Variants in TAFA1 observed in about 807,000 individuals in gnomAD.
The protein encoded by TAFA1 is chemokine-like protein TAFA-1.
TAFA1 carries 4 observed loss-of-function variants against 18.5 expected under a neutral mutation model. That is an observed-to-expected ratio of 0.22 (90% CI 0.11 to 0.49). The LOEUF (loss-of-function observed/expected upper bound fraction) is 0.49, where lower values mean the gene tolerates loss of function less well. Ranked by LOEUF, TAFA1 falls within the 20% of genes least tolerant of loss-of-function variation. The probability of loss-of-function intolerance (pLI) is 0.98; values close to 1 mark genes in which losing one functional copy is unlikely to be tolerated. For missense variants in TAFA1, 147 were observed against 169.0 expected (o/e 0.87, Z 0.72); for synonymous variants, 56 against 55.2 (o/e 1.01, Z -0.06).
At chr3:68,222,986 T>C (rs1320492783) in intron 2 of TAFA1, among the ~76,000 whole-genome samples, 1 of 152,140 alleles carries the variant, frequency 6.6e-6, no homozygotes, top group South Asian at 2.1e-4. Flanking sequence ...GCCAGTATTG[T>C]TTTTTAAAAT....
intron 2 of TAFA1, among the ~76,000 whole-genome samples, chr3:68,326,207 G>C (rs752881197): frequency 1.6e-4 from 24 of 152,148 alleles, no homozygotes; most frequent in African/African-American, 1.7e-4. Context: ...CAGACTGATA[G>C]AAAATGCTGG....
upstream of TAFA1, among the ~76,000 whole-genome samples, chr3:68,003,314 A>T (rs917978370): frequency 6.6e-6 from 1 of 152,200 alleles, no homozygotes; most frequent in African/African-American, 2.4e-5. Flanking sequence ...TGCCTCTGAA[A>T]GGCAAGAGAG....
At chr3:68,171,260 T>C (rs1478663904) in intron 2 of TAFA1, among the ~76,000 whole-genome samples, 1 of 19,606 alleles carries the variant, frequency 5.1e-5, no homozygotes, top group African/African-American at 1.1e-4. Flanking sequence ...ACTTAGAAGA[T>C]AGAATGGGCT....
At chr3:68,310,629 A>G (rs551945233) in intron 2 of TAFA1, among the ~76,000 whole-genome samples, 12 of 152,326 alleles carry the variant, frequency 7.9e-5, no homozygotes, top group African/African-American at 2.9e-4. Flanking sequence ...ATATATGTTA[A>G]TGATAAATAT....
chr3:68,341,524 T>G (rs2069083443), intron 2 of TAFA1, among the ~76,000 whole-genome samples: 1 of 152,196 alleles, frequency 6.6e-6, no homozygotes, highest in Admixed American at 6.5e-5. Context: ...AATTTCTAAT[T>G]TTGTAGTTAA....
At chr3:68,181,548 T>C (rs965333894) in intron 2 of TAFA1, among the ~76,000 whole-genome samples, 2 of 152,224 alleles carry the variant, frequency 1.3e-5, no homozygotes, top group African/African-American at 4.8e-5. Flanking sequence ...ACTGTTATAC[T>C]GATAATGTTG....
chr3:68,095,896 A>C (rs2065081930), intron 2 of TAFA1, among the ~76,000 whole-genome samples: 1 of 152,148 alleles, frequency 6.6e-6, no homozygotes, highest in Non-Finnish European at 1.5e-5. Context: ...ATGTGTCATG[A>C]TCAAGTCATG....
chr3:68,198,592 A>AT (rs71112622), intron 2 of TAFA1, among the ~76,000 whole-genome samples: 8 of 150,772 alleles, frequency 5.3e-5, no homozygotes, highest in African/African-American at 1.2e-4. Flanking sequence ...GTAATATCTA[A>AT]TTTTTTTTTA....
At chr3:68,451,604 G>A (rs982808783) in intron 3 of TAFA1, among the ~76,000 whole-genome samples, 2 of 152,058 alleles carry the variant, frequency 1.3e-5, no homozygotes, top group Admixed American at 6.6e-5. Context: ...AATATTCTGA[G>A]CACAAAAGAG....
intron 3 of TAFA1, among the ~76,000 whole-genome samples, chr3:68,492,781 A>AT (rs1699946212): frequency 6.6e-6 from 1 of 152,076 alleles, no homozygotes; most frequent in African/African-American, 2.4e-5. Context: ...GTGGGAAGAC[A>AT]TTTTCACCTT....
chr3:68,521,403 G>A (rs1292549092), intron 3 of TAFA1, among the ~76,000 whole-genome samples: 2 of 152,124 alleles, frequency 1.3e-5, no homozygotes, highest in East Asian at 3.9e-4. Context: ...TTACAATGCT[G>A]GTCACAATTT....
At chr3:68,464,857 A>G (rs1455221157) in intron 3 of TAFA1, among the ~76,000 whole-genome samples, 1 of 152,168 alleles carries the variant, frequency 6.6e-6, no homozygotes, top group East Asian at 1.9e-4. Context: ...ACACTGCATG[A>G]CTTGCTAAGT....
At chr3:68,401,354 T>C (rs1194657662) in intron 2 of TAFA1, among the ~76,000 whole-genome samples, 2 of 152,204 alleles carry the variant, frequency 1.3e-5, no homozygotes, top group Non-Finnish European at 2.9e-5. Flanking sequence ...CCTGATACTT[T>C]GAATACACTT....
intron 3 of TAFA1, among the ~76,000 whole-genome samples, chr3:68,516,074 A>G (rs1051049744): frequency 2.0e-5 from 3 of 152,242 alleles, no homozygotes; most frequent in African/African-American, 7.2e-5. Context: ...ACCTCTATGC[A>G]TCTTTGCAGT....
chr3:68,297,188 G>T (rs533893449), intron 2 of TAFA1, among the ~76,000 whole-genome samples: 6 of 152,174 alleles, frequency 3.9e-5, no homozygotes, highest in African/African-American at 1.2e-4. Flanking sequence ...GCAAAACACA[G>T]TAGACCCTGT....
intron 3 of TAFA1, among the ~76,000 whole-genome samples, chr3:68,442,430 C>G (rs1189096436): frequency 4.6e-5 from 7 of 152,174 alleles, no homozygotes; most frequent in Non-Finnish European, 7.3e-5. Context: ...TTAATTCATT[C>G]ATAAGGGCAG....
At chr3:68,157,040 G>A (rs1450342706) in intron 2 of TAFA1, among the ~76,000 whole-genome samples, 3 of 152,130 alleles carry the variant, frequency 2.0e-5, no homozygotes, top group African/African-American at 4.8e-5. Context: ...ATATTTTAAT[G>A]CCAGATTATC....
At chr3:68,022,731 A>G (rs1481056174) in intron 2 of TAFA1, among the ~76,000 whole-genome samples, 1 of 150,114 alleles carries the variant, frequency 6.7e-6, no homozygotes, top group Non-Finnish European at 1.5e-5. Context: ...TTGTAAATGC[A>G]TTGAGGGTAG....
At chr3:68,161,292 T>G (rs1262121219) in intron 2 of TAFA1, among the ~76,000 whole-genome samples, 1 of 152,186 alleles carries the variant, frequency 6.6e-6, no homozygotes, top group African/African-American at 2.4e-5. Flanking sequence ...AGTTTGGAAT[T>G]TCATCTGTGT....
Sources: gnomAD v4.1 joint callset for allele counts (sites outside exome capture counted in the v4.1 genomes callset) on GRCh38, gnomAD v4.1.1 for gene constraint, MANE v1.5 for transcripts, NCBI Gene and HGNC (gene_info 2026-07-23, HGNC 2026-07-21) for gene names.